The following PHACTR3 variants were observed in gnomAD, a reference collection of about 807,000 sequenced individuals.
The protein encoded by PHACTR3 is protein phosphatase 1, regulatory subunit 123.
PHACTR3 carries 16 observed loss-of-function variants against 66.8 expected under a neutral mutation model. The observed-to-expected ratio is 0.24, with a 90% confidence interval of 0.16 to 0.36. The LOEUF (loss-of-function observed/expected upper bound fraction) is 0.36. Among genes scored for constraint, PHACTR3 ranks in the 10% least tolerant of loss-of-function variants. The pLI is 1.00. For missense variants in PHACTR3, 647 were observed against 719.9 expected (o/e 0.90, Z 1.16); for synonymous variants, 323 against 292.1 (o/e 1.11, Z -1.08).
chr20:59,800,136 T>G lies in PHACTR3; in HGVS notation c.1175-5905T>G, dbSNP rs114481477. On this transcript the variant is annotated intron_variant, in intron 7 of 12. Coordinates refer to ENST00000371015, the MANE Select transcript of PHACTR3 (RefSeq NM_080672.5). ...GTTCTATTGTTGTTGTCCATTCCACTCATGTTATAAACCTCATACTACTTT... is the reference window on the plus strand; with the variant it reads ...GTTCTATTGTTGTTGTCCATTCCACGCATGTTATAAACCTCATACTACTTT... 4.9e-3 allele frequency among the ~76,000 whole-genome samples: 749 copies of G among 152,312 alleles called. 6 individuals carry two copies. Among genetic ancestry groups the G allele is most frequent in the African/African-American group, 0.018 (732 of 41,578 alleles).
At chr20:59,692,430 G>A (rs1231024905) in intron 1 of PHACTR3, among the ~76,000 whole-genome samples, 1 of 152,206 alleles carries the variant, frequency 6.6e-6, no homozygotes, top group Non-Finnish European at 1.5e-5. Context: ...GCTTGCCAGG[G>A]GCCTGGGCTT....
At chr20:59,838,807 TG>T (rs2059009572) in intron 9 of PHACTR3, among the ~76,000 whole-genome samples, 1 of 152,118 alleles carries the variant, frequency 6.6e-6, no homozygotes, top group Non-Finnish European at 1.5e-5. Flanking sequence ...TCCCTTGCTT[TG>T]TATAATGCAG....
In PHACTR3 at chr20:59,670,605, T is replaced by TTGGGGGGGGG. The variant is rs34824435; in HGVS notation, c.118+65473_118+65474insTGGGGGGGGG. Among the ~76,000 whole-genome samples, 5 of 47,164 alleles carry TTGGGGGGGGG rather than the reference T, an allele frequency of 1.1e-4. 1 individual carries two copies. Among genetic ancestry groups the TTGGGGGGGGG allele is most frequent in the Non-Finnish European group, 6.1e-5 (1 of 16,378 alleles). The allele number at this position is 47,164 out of a possible 152,430, so 30.9% of individuals were successfully genotyped here. A position where few individuals can be genotyped will look rare whatever the true frequency, so the allele number is the denominator to read the frequency against. On this transcript the variant is annotated intron_variant, in intron 1 of 12. Coordinates refer to ENST00000371015, the MANE Select transcript of PHACTR3 (RefSeq NM_080672.5). The stretch of plus-strand genomic sequence containing the variant: ...AATGAGGACAGGCATCTGCCGGGGG[T>TTGGGGGGGGG]GGGGGGGGGGGGCAGGCACTTTTAC...
At chr20:59,718,093 C>T (rs1363668643) in intron 1 of PHACTR3, among the ~76,000 whole-genome samples, 1 of 152,212 alleles carries the variant, frequency 6.6e-6, no homozygotes, top group Non-Finnish European at 1.5e-5. Context: ...AAAAGATTCT[C>T]CCTTTTCTGT....
chr20:59,754,026 C>A (rs1317033948), intron 3 of PHACTR3, among the ~76,000 whole-genome samples: 2 of 152,226 alleles, frequency 1.3e-5, no homozygotes, highest in Non-Finnish European at 2.9e-5. Flanking sequence ...GTCACACTGC[C>A]CTCTGCACCG....
At chr20:59,636,252 G>A (rs981551122) in intron 1 of PHACTR3, among the ~76,000 whole-genome samples, 1 of 152,148 alleles carries the variant, frequency 6.6e-6, no homozygotes, top group Admixed American at 6.5e-5. Flanking sequence ...TGAGTCTTTG[G>A]ACAGTTTAAT....
At chr20:59,832,697 G>A (rs180792098) in intron 8 of PHACTR3, among the ~76,000 whole-genome samples, 4 of 152,258 alleles carry the variant, frequency 2.6e-5, no homozygotes, top group East Asian at 3.9e-4. Context: ...TCTCTCCAGC[G>A]ATGCCAGGCT....
intron 1 of PHACTR3, among the ~76,000 whole-genome samples, chr20:59,635,648 G>A (rs1178931390): frequency 1.3e-5 from 2 of 152,250 alleles, no homozygotes; most frequent in Non-Finnish European, 2.9e-5. Flanking sequence ...GAAGAAGGAA[G>A]TTAAGATGTC....
intron 1 of PHACTR3, among the ~76,000 whole-genome samples, chr20:59,741,104 C>T (rs2039143080): frequency 6.6e-6 from 1 of 152,242 alleles, no homozygotes; most frequent in East Asian, 1.9e-4. Flanking sequence ...CAAAGGTGAC[C>T]TCCTTCCTCA....
intron 1 of PHACTR3, among the ~76,000 whole-genome samples, chr20:59,673,498 GAC>G (rs1186240261): frequency 2.6e-5 from 4 of 152,090 alleles, no homozygotes; most frequent in African/African-American, 9.7e-5. Context: ...GATTCTCTTA[GAC>G]CTGCTCACAG....
At chr20:59,806,794 T>C (rs988395565) in intron 8 of PHACTR3, among the ~76,000 whole-genome samples, 1 of 152,240 alleles carries the variant, frequency 6.6e-6, no homozygotes. Context: ...GGGCGCGGTC[T>C]GCAGCACGCC....
At chr20:59,644,780 G>C (rs370279123) in intron 1 of PHACTR3, among the ~76,000 whole-genome samples, 2 of 152,116 alleles carry the variant, frequency 1.3e-5, no homozygotes, top group Admixed American at 1.3e-4. Flanking sequence ...TGCACCCTGC[G>C]CCTTCCCTTT....
intron 1 of PHACTR3, among the ~76,000 whole-genome samples, chr20:59,610,617 A>G (rs1406824575): frequency 6.6e-6 from 1 of 152,260 alleles, no homozygotes; most frequent in Non-Finnish European, 1.5e-5. Flanking sequence ...GCCACATTTC[A>G]AGTGTGCGGG....
intron 1 of PHACTR3, among the ~76,000 whole-genome samples, chr20:59,611,829 G>T (rs1014918623): frequency 5.9e-5 from 9 of 152,216 alleles, no homozygotes; most frequent in African/African-American, 2.2e-4. Context: ...CTCTGGTCTG[G>T]TAATTTTGGG....
intron 1 of PHACTR3, among the ~76,000 whole-genome samples, chr20:59,597,238 T>A (rs556708897): frequency 1.4e-3 from 211 of 152,358 alleles, no homozygotes; most frequent in Admixed American, 2.6e-3. Context: ...TATTCCAACC[T>A]CACAAGATTA....
intron 1 of PHACTR3, among the ~76,000 whole-genome samples, chr20:59,737,177 C>T (rs548646238): frequency 2.0e-5 from 3 of 152,252 alleles, no homozygotes; most frequent in African/African-American, 7.2e-5. Context: ...CCCATCATAG[C>T]CCCTGTCCTG....
At chr20:59,601,514 AC>A (rs1028678430), upstream of PHACTR3, among the ~76,000 whole-genome samples, 3 of 152,080 alleles carry the variant, frequency 2.0e-5, no homozygotes, top group Non-Finnish European at 4.4e-5. Context: ...TTTCACAAAA[AC>A]CTGTTGTGGG....
Position 59,847,382 on chromosome 20 carries a change from T to TATCA in PHACTR3, c.*253_*256dup, listed in dbSNP as rs1479192764. The TATCA allele has an allele frequency of 1.6e-5, 6 of 364,466 alleles. No individual in the cohort carries two copies. The highest frequency in any genetic ancestry group is 2.0e-5 in the Non-Finnish European group (4 of 196,328). The allele number at this position is 364,466 out of a possible 1,614,324, so 22.6% of individuals were successfully genotyped here. On this transcript the variant is annotated 3_prime_UTR_variant, in exon 13 of 13. Transcript: ENST00000371015. ...GGTCAGTTAAGACCCAACATAACTC[T>TATCA]ATCAGAAGAAAACTGTTGTTTGCCT...
At chr20:59,616,110 T>G (rs1349565192) in intron 1 of PHACTR3, among the ~76,000 whole-genome samples, 2 of 152,172 alleles carry the variant, frequency 1.3e-5, no homozygotes, top group Non-Finnish European at 2.9e-5. Flanking sequence ...ACCTAACATC[T>G]CTGATCCACA....
Sources: allele counts gnomAD v4.1 joint callset (sites outside exome capture counted in the v4.1 genomes callset), GRCh38; gene constraint gnomAD v4.1.1; transcripts MANE v1.5; gene names NCBI Gene and HGNC (gene_info 2026-07-23, HGNC 2026-07-21).